The following CAST variants were observed in gnomAD, a reference collection of about 807,000 sequenced individuals.
CAST encodes the protein MIR583 host.
In CAST, 76 loss-of-function variants were observed where a neutral mutation model predicts 119.6. The ratio of observed to expected loss-of-function variants is 0.64; its 90% confidence interval spans 0.53 to 0.77. CAST has a LOEUF of 0.77. Among genes scored for constraint, CAST ranks in the 30% least tolerant of loss-of-function variants. The pLI, the probability that CAST is intolerant of heterozygous loss-of-function variation, is 0.00. For synonymous variants in CAST, 319 were observed against 331.6 expected, an observed-to-expected ratio of 0.96 and a Z score of 0.41; for missense variants, 953 against 946.5, an observed-to-expected ratio of 1.01 and a Z score of -0.09.
chr5:96,521,421 A>G (rs1745517315), upstream of CAST, among the ~76,000 whole-genome samples: 1 of 152,048 alleles, frequency 6.6e-6, no homozygotes, highest in Non-Finnish European at 1.5e-5. Context: ...CACGTTCCCA[A>G]AGTAATGTTC....
the CAST span, among the ~76,000 whole-genome samples, chr5:96,101,270 G>A: frequency 6.6e-6 from 1 of 152,100 alleles, no homozygotes; most frequent in African/African-American, 2.4e-5. Flanking sequence ...TTTCTAGGTT[G>A]GTTGAATCTG....
At chr5:96,619,509 A>G (rs1175923008) in intron 1 of CAST, among the ~76,000 whole-genome samples, 1 of 152,262 alleles carries the variant, frequency 6.6e-6, no homozygotes, top group African/African-American at 2.4e-5. Context: ...TAGCAGCAGC[A>G]ACCTGCTGGG....
At chr5:96,766,497 G>A (rs1194078702) in intron 27 of CAST, among the ~76,000 whole-genome samples, 3 of 152,224 alleles carry the variant, frequency 2.0e-5, no homozygotes, top group Non-Finnish European at 4.4e-5. Context: ...AAGGAGAGCA[G>A]AAAAGGAGCT....
rs140844640 is a variant in CAST, at chr5:96,648,761, G to A, written c.61-26778G>A. On this transcript the variant is annotated intron_variant, in intron 1 of 11. Coordinates refer to the CAST transcript ENST00000505143. The stretch of plus-strand genomic sequence containing the variant: ...GTGTGTGTGGTGTAATAAGACACTC[G>A]TTCACAGTCACACAGCTAGGTAGTG... Among the ~76,000 whole-genome samples the A allele has an allele frequency of 1.5e-4, 22 of 149,638 alleles. No homozygotes were observed. The East Asian group carries it at 2.2e-3, about 15-fold the overall frequency.
At chr5:96,727,680 T>C in intron 6 of CAST, 150 bp downstream of exon 6, 1 of 450,804 alleles carries the variant, frequency 2.2e-6, no homozygotes, top group South Asian at 5.6e-5. Context: ...GCTGTGTACA[T>C]GTAGAATATA....
the CAST span, among the ~76,000 whole-genome samples, chr5:96,438,848 A>G: frequency 2.0e-5 from 3 of 152,174 alleles, no homozygotes; most frequent in East Asian, 1.9e-4. Context: ...CCAAATTTAT[A>G]TTTTTGGAGA....
chr5:96,740,826 A>C, intron 13 of CAST, 43 bp downstream of exon 13: 6 of 1,365,178 alleles, frequency 4.4e-6, no homozygotes, highest in Non-Finnish European at 6.3e-6. Context: ...TAATAGTTTT[A>C]TATTTTTGGC....
chr5:96,433,050 A>G, the CAST span: 2 of 1,613,654 alleles, frequency 1.2e-6, no homozygotes, highest in Non-Finnish European at 1.7e-6. Flanking sequence ...CATAGCTCAC[A>G]CACTCGCTTG....
chr5:96,109,318 T>C, the CAST span, among the ~76,000 whole-genome samples: 2 of 152,274 alleles, frequency 1.3e-5, no homozygotes, highest in Non-Finnish European at 2.9e-5. Context: ...TTATTAGTGA[T>C]ATTTGCATTA....
At chr5:96,492,340 A>G in the CAST span, among the ~76,000 whole-genome samples, 18 of 152,254 alleles carry the variant, frequency 1.2e-4, 1 homozygote, top group African/African-American at 4.3e-4. Context: ...TCTTGAGTAT[A>G]TTTCATTACT....
chr5:96,676,197 C>T (rs1750690488), intron 2 of CAST, among the ~76,000 whole-genome samples: 1 of 152,130 alleles, frequency 6.6e-6, no homozygotes, highest in Admixed American at 6.5e-5. Context: ...AAGTTCTGCC[C>T]TTCCAAAGGA....
chr5:96,556,207 T>G (rs1045719407), intron 1 of CAST, among the ~76,000 whole-genome samples: 1 of 152,162 alleles, frequency 6.6e-6, no homozygotes, highest in African/African-American at 2.4e-5. Context: ...AAACCCCATC[T>G]GTACATCTGC....
rs181949368 is a variant in CAST at position 96,715,506 on chromosome 5, A to G, written c.211-7133A>G. 8.6e-4 allele frequency among the ~76,000 whole-genome samples: 131 copies of G among 152,352 alleles called. 1 individual carries two copies. The highest frequency in any genetic ancestry group is 2.8e-3 in the African/African-American group (118 of 41,580). ...CCCCTTCTTAACTGTGTAATCTTAG[A>G]TAAGTTATTTAACTTCTCTAAGCAT... On this transcript the variant is annotated intron_variant, in intron 3 of 31. Transcript: ENST00000675179.
intron 16 of CAST, chr5:96,743,494 C>A: frequency 7.7e-7 from 1 of 1,300,982 alleles, no homozygotes. Context: ...TCAGCTCAGG[C>A]TGGGGGTGCT....
the CAST span, among the ~76,000 whole-genome samples, chr5:96,488,120 A>T: frequency 1.3e-5 from 2 of 152,202 alleles, no homozygotes; most frequent in African/African-American, 4.8e-5. Context: ...GAATCAAGTG[A>T]GGTTGGGAAA....
chr5:96,751,684 C>T (rs1269534367), intron 20 of CAST, among the ~76,000 whole-genome samples: 1 of 152,144 alleles, frequency 6.6e-6, no homozygotes, highest in Non-Finnish European at 1.5e-5. Context: ...GGCAAAGAGG[C>T]TGTGATTGGA....
chr5:96,723,097 C>G (rs892956546), intron 4 of CAST, among the ~76,000 whole-genome samples: 8 of 151,980 alleles, frequency 5.3e-5, no homozygotes, highest in African/African-American at 1.9e-4. Context: ...GGCACACCAC[C>G]ATGCCCGGCT....
At chr5:96,038,522 GC>G in the CAST span, among the ~76,000 whole-genome samples, 1 of 148,502 alleles carries the variant, frequency 6.7e-6, no homozygotes, top group South Asian at 2.2e-4. Flanking sequence ...CCCTCCTGTA[GC>G]CCCCCCACCC....
At chr5:96,095,611 A>G in the CAST span, among the ~76,000 whole-genome samples, 2 of 150,078 alleles carry the variant, frequency 1.3e-5, no homozygotes, top group Non-Finnish European at 3.0e-5. Context: ...AAAGGGTGAT[A>G]CATTCTCTAC....
Sources: gnomAD v4.1 joint callset for allele counts (sites outside exome capture counted in the v4.1 genomes callset) on GRCh38, gnomAD v4.1.1 for gene constraint, MANE v1.5 for transcripts, NCBI Gene and HGNC (gene_info 2026-07-23, HGNC 2026-07-21) for gene names.